The following TBC1D8 variants were observed in gnomAD, a reference collection of about 807,000 sequenced individuals.
The protein encoded by TBC1D8 is TBC1 domain family member 8.
TBC1D8 carries 65 observed loss-of-function variants against 118.8 expected under a neutral mutation model. That is an observed-to-expected ratio of 0.55 (90% confidence interval 0.45 to 0.67). The LOEUF (loss-of-function observed/expected upper bound fraction) is 0.67, where lower values mean the gene tolerates loss of function less well. Ranked by LOEUF, TBC1D8 falls within the 30% of genes least tolerant of loss-of-function variation. The pLI is 0.00. For missense variants in TBC1D8, 1,376 were observed against 1,471.2 expected (o/e 0.94, Z 1.06); for synonymous variants, 566 against 595.8 (o/e 0.95, Z 0.73).
chr2:101,059,409 CAG>C lies in TBC1D8; in HGVS notation c.402+10_402+11del. The C allele has an allele frequency of 6.3e-7, 1 of 1,591,756 alleles. No individual in the cohort carries two copies. The highest frequency in any genetic ancestry group is 1.1e-5 in the South Asian group (1 of 90,494). On this transcript the variant is annotated intron_variant, in intron 3 of 19. Transcript: ENST00000409318. ...GAAAGATGGGGAGAAACATGAAACTCAGGGGACCTACCTTTACCTTCCCTTTG... is the reference window on the plus strand; with the variant it reads ...GAAAGATGGGGAGAAACATGAAACTCGGGACCTACCTTTACCTTCCCTTTG...
chr2:101,054,667 CTTTTCTTTTTTTTTT>C (rs1255133395), intron 3 of TBC1D8, among the ~76,000 whole-genome samples: 45 of 21,306 alleles, frequency 2.1e-3, no homozygotes, highest in African/African-American at 6.0e-3. Context: ...ATTTTCTTTT[CTTTTCTTTTTTTTTT>C]TTTTTTTTTT....
chr2:101,081,336 C>T (rs998233016), intron 2 of TBC1D8, among the ~76,000 whole-genome samples: 1 of 152,160 alleles, frequency 6.6e-6, no homozygotes, highest in Non-Finnish European at 1.5e-5. Flanking sequence ...CCTGCTACAA[C>T]GTGGCACTTT....
intron 17 of TBC1D8, among the ~76,000 whole-genome samples, chr2:101,012,577 C>A (rs7609263): frequency 0.6 from 90,769 of 150,728 alleles, 27,927 homozygotes; most frequent in Middle Eastern, 0.77. Context: ...CAGGGTGATG[C>A]AATGGTCTAA....
chr2:101,111,500 A>T (rs1677581985), intron 1 of TBC1D8, among the ~76,000 whole-genome samples: 1 of 152,204 alleles, frequency 6.6e-6, no homozygotes, highest in Non-Finnish European at 1.5e-5. Context: ...TTTCAAGGGC[A>T]TTGCAAGGGA....
intron 1 of TBC1D8, among the ~76,000 whole-genome samples, chr2:101,111,928 A>C (rs1677612509): frequency 1.3e-5 from 2 of 152,166 alleles, no homozygotes; most frequent in Admixed American, 6.5e-5. Context: ...AAAAAAAAAA[A>C]AAAACCTGTG....
Position 101,029,555 on chromosome 2 carries a change from C to G in TBC1D8, c.2158G>C (p.Glu720Gln), listed in dbSNP as rs781485642. 46 of 1,613,912 alleles carry G rather than the reference C, an allele frequency of 2.9e-5. No individual in the cohort carries two copies. Among genetic ancestry groups the G allele is most frequent in the Non-Finnish European group, 3.8e-5 (45 of 1,179,900 alleles). ...CTGCACAGGTCCTCAGCATTGGCCTCAAGCACAGCCAGTCCCAGCTGGAAG... is the reference window on the plus strand; with the variant it reads ...CTGCACAGGTCCTCAGCATTGGCCTGAAGCACAGCCAGTCCCAGCTGGAAG... ...AIFQLGLAVLEANAEDLCSSK... is the reference protein window; with the variant it reads ...AIFQLGLAVLQANAEDLCSSK... Residue 720 changes from glutamate to glutamine, a missense_variant, in exon 12 of 20, where the codon GAG becomes CAG. Physicochemically the swap from Glu to Gln is conservative, Grantham distance 29. Coordinates refer to ENST00000409318, the MANE Select transcript of TBC1D8 (RefSeq NM_001330348.2).
At chr2:101,099,816 T>G (rs1676708592) in intron 1 of TBC1D8, among the ~76,000 whole-genome samples, 1 of 152,214 alleles carries the variant, frequency 6.6e-6, no homozygotes, top group Non-Finnish European at 1.5e-5. Flanking sequence ...CAACATCCCT[T>G]CATGTTAAAA....
chr2:101,037,592 G>A lies in TBC1D8; in HGVS notation c.1392C>T (p.His464=), dbSNP rs777747620. ...ESEKEKSPLM[H]PDALVTAFQQ... is the part of the protein sequence containing the mutation. ...GGAAGGCGGTGACCAGGGCATCGGGGTGCATCAGCGGGCTCTTCTCTTTCT... is the reference window on the plus strand; with the variant it reads ...GGAAGGCGGTGACCAGGGCATCGGGATGCATCAGCGGGCTCTTCTCTTTCT... Residue 464 remains histidine, a synonymous_variant, in exon 8 of 20, where the codon CAC becomes CAT. Transcript: ENST00000409318. 1 of 1,613,474 alleles carries A rather than the reference G, an allele frequency of 6.2e-7. No individual in the cohort carries two copies. The highest frequency in any genetic ancestry group is 1.7e-5 in the Admixed American group (1 of 60,024).
intron 17 of TBC1D8, 33 bp from the exon 18 acceptor site, chr2:101,011,573 A>G (rs763846859): frequency 1.1e-5 from 18 of 1,610,350 alleles, no homozygotes; most frequent in Non-Finnish European, 1.5e-5. Flanking sequence ...AAATTAAACA[A>G]ATTTTCTGCC....
chr2:101,011,260 C>T, intron 18 of TBC1D8, 191 bp downstream of exon 18: 1 of 699,686 alleles, frequency 1.4e-6, no homozygotes, highest in Non-Finnish European at 2.4e-6. Context: ...GTGGTGGGGG[C>T]AAGGGGCAGC....
chr2:101,027,328 C>T lies in TBC1D8; in HGVS notation c.2520+55G>A, dbSNP rs562930051. 6.4e-6 allele frequency: 10 copies of T among 1,551,480 alleles called. No homozygotes were observed. In the East Asian group the frequency reaches 9.0e-5, roughly 14 times the overall value. On this transcript the variant is annotated intron_variant, in intron 15 of 19. Transcript: ENST00000409318. ...GCTGTCCCCTGGGCAGGCTGGGCACCGCGGCTCAGGCCAGCTCAGGGCCTG... is the reference window on the plus strand; with the variant it reads ...GCTGTCCCCTGGGCAGGCTGGGCACTGCGGCTCAGGCCAGCTCAGGGCCTG...
At chr2:101,087,067 A>G (rs1041367263) in intron 2 of TBC1D8, among the ~76,000 whole-genome samples, 8 of 151,914 alleles carry the variant, frequency 5.3e-5, no homozygotes, top group Non-Finnish European at 1.2e-4. Flanking sequence ...TACAGGAGTG[A>G]GCCACCGCGC....
intron 2 of TBC1D8, among the ~76,000 whole-genome samples, chr2:101,069,129 C>G: frequency 6.6e-6 from 1 of 151,940 alleles, no homozygotes; most frequent in East Asian, 1.9e-4. Context: ...GAAACCCCAT[C>G]TCTACTAAAA....
chr2:101,078,379 A>G (rs1211662397), intron 2 of TBC1D8, among the ~76,000 whole-genome samples: 2 of 152,204 alleles, frequency 1.3e-5, no homozygotes, highest in African/African-American at 4.8e-5. Context: ...TAAAACCCAG[A>G]TCTATGAAGA....
chr2:101,045,307 T>A (rs978248992), intron 5 of TBC1D8, among the ~76,000 whole-genome samples: 4 of 152,212 alleles, frequency 2.6e-5, no homozygotes, highest in African/African-American at 9.6e-5. Flanking sequence ...CTCTCCTACT[T>A]TCGGTAAAGA....
At chr2:101,095,129 C>T (rs557828902) in intron 1 of TBC1D8, among the ~76,000 whole-genome samples, 4 of 152,070 alleles carry the variant, frequency 2.6e-5, no homozygotes, top group African/African-American at 9.7e-5. Flanking sequence ...AGGTTCTCAC[C>T]GTGAAGAGCC....
chr2:101,008,822 A>AAAAT (rs1430252243), intron 19 of TBC1D8, among the ~76,000 whole-genome samples: 2 of 152,018 alleles, frequency 1.3e-5, no homozygotes, highest in African/African-American at 2.4e-5. Flanking sequence ...AAAAAAAAAA[A>AAAAT]AATGAAACCA....
chr2:101,052,225 T>G (rs1278082281), intron 4 of TBC1D8, among the ~76,000 whole-genome samples: 1 of 152,084 alleles, frequency 6.6e-6, no homozygotes, highest in Non-Finnish European at 1.5e-5. Context: ...GTTGTTAGAG[T>G]ATTAGAAGAC....
chr2:101,021,676 C>T lies in TBC1D8; in HGVS notation c.2827+5G>A. 6.3e-7 allele frequency: 1 copy of T among 1,592,526 alleles called. No homozygotes were observed. ...AGTCTGATTTTGCTACTTGGACTTT[C>T]TTACCTGGAGGGATATGAAGCCTGT... is the stretch of plus-strand genomic sequence containing the variant. On this transcript the variant is annotated splice_donor_5th_base_variant and intron_variant, in intron 17 of 19. Transcript: ENST00000409318.
Sources: gnomAD v4.1 joint callset for allele counts (sites outside exome capture counted in the v4.1 genomes callset) on GRCh38, gnomAD v4.1.1 for gene constraint, MANE v1.5 for transcripts, NCBI Gene and HGNC (gene_info 2026-07-23, HGNC 2026-07-21) for gene names.